Variants in MYO5A observed in about 807,000 individuals in gnomAD.
MYO5A encodes myosin VA.
MYO5A carries 98 observed loss-of-function variants against 249.7 expected under a neutral mutation model. That is an observed-to-expected ratio of 0.39 (90% confidence interval 0.33 to 0.46). The LOEUF is 0.46. Among genes scored for constraint, MYO5A ranks in the 20% least tolerant of loss-of-function variants. MYO5A has a pLI of 0.98. For synonymous variants in MYO5A, 778 were observed against 810.6 expected (o/e 0.96, Z 0.68); for missense variants, 1,696 against 2,308.8 (o/e 0.73, Z 5.44).
intron 1 of MYO5A, among the ~76,000 whole-genome samples, chr15:52,474,216 C>T (rs1567160867): frequency 1.3e-5 from 2 of 152,176 alleles, no homozygotes; most frequent in Non-Finnish European, 2.9e-5. Flanking sequence ...TGTAAGAATG[C>T]TTGTGATTTT....
intron 31 of MYO5A, among the ~76,000 whole-genome samples, chr15:52,341,331 A>G (rs1035045959): frequency 6.6e-6 from 1 of 152,240 alleles, no homozygotes; most frequent in African/African-American, 2.4e-5. Flanking sequence ...ATAAACTTAC[A>G]TATCAGAAAC....
At position 52,327,847 on chromosome 15, in the gene MYO5A, C is replaced by A; in HGVS notation, c.4710+5G>T. 1 of 1,612,488 alleles carries A rather than the reference C, an allele frequency of 6.2e-7. No homozygotes were observed. The highest frequency in any genetic ancestry group is 1.1e-5 in the South Asian group (1 of 91,018). On this transcript the variant is annotated splice_donor_5th_base_variant and intron_variant, in intron 36 of 41. Transcript: ENST00000399233. ...TGATGAGAATTTTGTTGAACAGGAA[C>A]TGACCTTCAATACTTTTTTGATGCT...
At chr15:52,411,917 G>C (rs544698585) in intron 5 of MYO5A, among the ~76,000 whole-genome samples, 1 of 152,120 alleles carries the variant, frequency 6.6e-6, no homozygotes, top group African/African-American at 2.4e-5. Flanking sequence ...TATCTTCCTG[G>C]CAAAATTACA....
intron 1 of MYO5A, among the ~76,000 whole-genome samples, chr15:52,501,138 T>A (rs2077149764): frequency 6.6e-6 from 1 of 151,778 alleles, no homozygotes; most frequent in Admixed American, 6.6e-5. Flanking sequence ...CCCGGCTAAT[T>A]TTTTTTGTAT....
chr15:52,340,100 T>C (rs1379337572), intron 32 of MYO5A, 96 bp downstream of exon 32: 1 of 1,369,362 alleles, frequency 7.3e-7, no homozygotes, highest in Non-Finnish European at 1.0e-6. Context: ...AGGGGTGAGT[T>C]TTTCCCAGCA....
At chr15:52,323,245 T>G in intron 37 of MYO5A, 110 bp downstream of exon 37, 1 of 897,272 alleles carries the variant, frequency 1.1e-6, no homozygotes, top group Non-Finnish European at 1.8e-6. Context: ...AAGCCACCTC[T>G]GAATTTGGGT....
intron 1 of MYO5A, among the ~76,000 whole-genome samples, chr15:52,455,620 A>G (rs1051031284): frequency 9.9e-5 from 15 of 152,164 alleles, no homozygotes; most frequent in African/African-American, 3.6e-4. Flanking sequence ...ACCATAATCA[A>G]GTGGGATTCA....
chr15:52,380,846 A>G (rs2041704118), intron 16 of MYO5A, among the ~76,000 whole-genome samples: 1 of 152,216 alleles, frequency 6.6e-6, no homozygotes, highest in Non-Finnish European at 1.5e-5. Context: ...AGAAGCTCTC[A>G]GAAGTCATTA....
intron 18 of MYO5A, 45 bp from the exon 19 acceptor site, chr15:52,376,603 A>C (rs2041428255): frequency 1.9e-6 from 3 of 1,547,142 alleles, no homozygotes; most frequent in African/African-American, 1.4e-5. Context: ...TAATCATATA[A>C]GTGAAATTTA....
At chr15:52,333,226 A>G (rs1184105747) in intron 34 of MYO5A, among the ~76,000 whole-genome samples, 1 of 152,220 alleles carries the variant, frequency 6.6e-6, no homozygotes, top group African/African-American at 2.4e-5. Flanking sequence ...CCAATGATCC[A>G]TTCTTCTAGG....
At chr15:52,399,342 G>A (rs2042638812) in intron 9 of MYO5A, among the ~76,000 whole-genome samples, 1 of 152,112 alleles carries the variant, frequency 6.6e-6, no homozygotes, top group Non-Finnish European at 1.5e-5. Context: ...CTGTTGCCCA[G>A]GCTAGAGTGT....
chr15:52,498,312 T>C (rs900256763), intron 1 of MYO5A, among the ~76,000 whole-genome samples: 2 of 152,194 alleles, frequency 1.3e-5, no homozygotes, highest in Admixed American at 1.3e-4. Context: ...TATTCATTCA[T>C]GCTTATTTCC....
At chr15:52,507,996 C>T (rs1281597679) in intron 1 of MYO5A, among the ~76,000 whole-genome samples, 1 of 152,138 alleles carries the variant, frequency 6.6e-6, no homozygotes, top group Non-Finnish European at 1.5e-5. Flanking sequence ...TATCTAATCT[C>T]TCAACTGCCC....
chr15:52,450,478 C>G (rs542153096), intron 1 of MYO5A, among the ~76,000 whole-genome samples: 1 of 151,720 alleles, frequency 6.6e-6, no homozygotes, highest in Non-Finnish European at 1.5e-5. Flanking sequence ...ACCAGCCTGG[C>G]CAACACAGTG....
chr15:52,373,592 C>T (rs1314422968), intron 20 of MYO5A, among the ~76,000 whole-genome samples: 1 of 152,166 alleles, frequency 6.6e-6, no homozygotes, highest in East Asian at 1.9e-4. Context: ...AATGTGATGG[C>T]TGTTGGCTTA....
chr15:52,487,208 G>A (rs561441758), intron 1 of MYO5A, among the ~76,000 whole-genome samples: 296 of 152,228 alleles, frequency 1.9e-3, no homozygotes, highest in Non-Finnish European at 3.6e-3. Context: ...ATGAGTCCAG[G>A]AGTTCGAGAC....
intron 16 of MYO5A, among the ~76,000 whole-genome samples, chr15:52,382,381 G>C (rs2041790379): frequency 6.6e-6 from 1 of 152,080 alleles, no homozygotes. Context: ...AGACCAGCCT[G>C]GCCAAGATGA....
At chr15:52,464,870 C>T (rs1043058483) in intron 1 of MYO5A, among the ~76,000 whole-genome samples, 6 of 152,274 alleles carry the variant, frequency 3.9e-5, no homozygotes, top group East Asian at 3.9e-4. Flanking sequence ...TATGATTAGT[C>T]GTTTTCCTAG....
At chr15:52,464,816 G>A (rs2076321292) in intron 1 of MYO5A, among the ~76,000 whole-genome samples, 1 of 152,170 alleles carries the variant, frequency 6.6e-6, no homozygotes, top group South Asian at 2.1e-4. Context: ...CTAATCAGCA[G>A]TCTTTTAATC....
Sources: allele counts gnomAD v4.1 joint callset (sites outside exome capture counted in the v4.1 genomes callset), GRCh38; gene constraint gnomAD v4.1.1; transcripts MANE v1.5; gene names NCBI Gene and HGNC (gene_info 2026-07-23, HGNC 2026-07-21).